Variants in GLS observed in about 807,000 individuals in gnomAD.
GLS encodes the protein glutaminase, also known as glutaminase kidney isoform, mitochondrial.
GLS carries 36 observed loss-of-function variants against 86.7 expected under a neutral mutation model. The observed-to-expected ratio is 0.42, with a 90% CI of 0.32 to 0.55. The LOEUF (loss-of-function observed/expected upper bound fraction) is 0.55. GLS is among the 20% of genes least tolerant of loss of function. The pLI is 0.17. For missense variants in GLS, 528 were observed against 833.4 expected, an observed-to-expected ratio of 0.63 and a Z score of 4.51; for synonymous variants, 317 against 305.9, an observed-to-expected ratio of 1.04 and a Z score of -0.38.
Position 190,881,308 on chromosome 2 carries a change from C to G in GLS, c.224C>G (p.Ser75Cys), listed in dbSNP as rs769927324. The G allele has an allele frequency of 1.3e-6, 2 of 1,503,776 alleles. No individual in the cohort carries two copies. The highest frequency in any genetic ancestry group is 1.2e-5 in the South Asian group (1 of 80,818). 93.2% of individuals were successfully genotyped at this position (1,503,776 alleles called of 1,614,324 possible). Residue 75 changes from serine (S) to cysteine (C), a missense_variant, in exon 1 of 18, where the codon TCT (serine) becomes TGT (cysteine). This residue lies in a region of GLS where 224 missense variants were observed against 187.9 expected (regional missense o/e 1.19). Coordinates refer to ENST00000320717, the MANE Select transcript of GLS (RefSeq NM_014905.5). ...AEPLARGLSS[S>C]PSEILQELGK... ...CCCCTCGCGCGGGGCCTGTCCAGCT[C>G]TCCTTCGGAGATCTTGCAGGAGCTG...
intron 9 of GLS, 59 bp from the exon 10 acceptor site, chr2:190,923,858 T>C: frequency 2.0e-6 from 2 of 1,019,988 alleles, no homozygotes; most frequent in Non-Finnish European, 3.1e-6. Flanking sequence ...AATGAAATTA[T>C]GAACAATCAC....
Position 190,904,353 on chromosome 2 carries a change from G to T in GLS, c.816-651G>T, listed in dbSNP as rs1179549859. Among the ~76,000 whole-genome samples, 7 of 152,260 alleles carry T rather than the reference G, an allele frequency of 4.6e-5. No individual in the cohort carries two copies. The East Asian group carries it at 1.3e-3, about 29-fold the overall frequency. On this transcript the variant is annotated intron_variant, in intron 5 of 17. Transcript: ENST00000320717. ...GTTTATTTTATGTGATTGAATACAC[G>T]TGGGAGTAAGGAGGAGCATGCTCTT... is the stretch of plus-strand genomic sequence containing the variant.
In GLS at chr2:190,905,535, G is replaced by A. The variant is rs528322512; in HGVS notation, c.979+368G>A. Among the ~76,000 whole-genome samples the A allele has an allele frequency of 2.0e-5, 3 of 152,120 alleles. No individual in the cohort carries two copies. Among genetic ancestry groups the A allele is most frequent in the African/African-American group, 2.4e-5 (1 of 41,522 alleles). ...CTAAATGATAGGTGCATGGGTGTTTGTATATTATTCTATCTATTATATTGT... is the reference window on the plus strand; with the variant it reads ...CTAAATGATAGGTGCATGGGTGTTTATATATTATTCTATCTATTATATTGT... On this transcript the variant is annotated intron_variant, in intron 6 of 17. Transcript: ENST00000320717. This position sits in a 1 kb window ranked among gnomAD's most constrained non-coding sequence, Gnocchi z 4.6.
In GLS at chr2:190,913,279, G is replaced by T. The variant is rs945105983; in HGVS notation, c.1038+2958G>T. 7.7e-7 allele frequency: 1 copy of T among 1,298,642 alleles called. No homozygotes were observed. Among genetic ancestry groups the T allele is most frequent in the Non-Finnish European group, 1.0e-6 (1 of 986,986 alleles). 80.4% of individuals were successfully genotyped at this position (1,298,642 alleles called of 1,614,324 possible). On this transcript the variant is annotated intron_variant, in intron 7 of 17. Transcript: ENST00000320717. The surrounding 1 kb of genome is among the most constrained non-coding windows in gnomAD (Gnocchi z 6.1). ...AGATTGTGGAAAAAAGGAGAATTTG[G>T]ACAGAAGGAGCCTGTTGCATAAATT...
rs1688123290 is a variant in GLS, at chr2:190,880,911, A to AGCACCC, written c.-171_-170insCCCGCA. The stretch of plus-strand genomic sequence containing the variant: ...CAGCAGCAGCAGCAGCAGCAGCAGC[A>AGCACCC]GCAGCAGCACCCGCATCCGCTGCGG... On this transcript the variant is annotated 5_prime_UTR_variant, in exon 1 of 18. Coordinates refer to ENST00000320717, the MANE Select transcript of GLS (RefSeq NM_014905.5). The AGCACCC allele has an allele frequency of 8.2e-6, 7 of 856,734 alleles. No individual in the cohort carries two copies. The highest frequency in any genetic ancestry group is 2.9e-5 in the South Asian group (2 of 69,282). The allele number at this position is 856,734 out of a possible 1,614,324, so 53.1% of individuals were successfully genotyped here.
chr2:190,922,985 A>G (rs1421572917), intron 9 of GLS, among the ~76,000 whole-genome samples: 2 of 152,142 alleles, frequency 1.3e-5, no homozygotes, highest in Non-Finnish European at 2.9e-5. Flanking sequence ...CAGGCTTTGT[A>G]TCAGTCTTTA....
Position 190,951,423 on chromosome 2 carries a change from T to C in GLS, c.1651-2142T>C, listed in dbSNP as rs181405284. On this transcript the variant is annotated intron_variant, in intron 14 of 17. Transcript: ENST00000320717. This position sits in a 1 kb window ranked among gnomAD's most constrained non-coding sequence, Gnocchi z 4.2. ...GTTGCTTTTTAAAAATAGGATGAAA[T>C]TGTGTCTGTTTTAAGGTAAACTGAG... is the stretch of plus-strand genomic sequence containing the variant. Among the ~76,000 whole-genome samples, 16 of 152,076 alleles carry C rather than the reference T, an allele frequency of 1.1e-4. No individual in the cohort carries two copies. Among genetic ancestry groups the C allele is most frequent in the Non-Finnish European group, 1.3e-4 (9 of 67,978 alleles).
intron 1 of GLS, among the ~76,000 whole-genome samples, chr2:190,889,882 A>G (rs1448111175): frequency 1.3e-5 from 2 of 152,222 alleles, no homozygotes; most frequent in African/African-American, 4.8e-5. Flanking sequence ...ATTGAATATA[A>G]TCTCATCTTT....
chr2:190,910,448 T>A (rs769413527), intron 7 of GLS, 127 bp downstream of exon 7: 1 of 578,610 alleles, frequency 1.7e-6, no homozygotes, highest in Non-Finnish European at 3.1e-6. Flanking sequence ...AAGAAATTTG[T>A]CTTATGGTAT....
At chr2:190,957,737 T>C (rs1351787554) in intron 17 of GLS, among the ~76,000 whole-genome samples, 1 of 152,222 alleles carries the variant, frequency 6.6e-6, no homozygotes, top group Admixed American at 6.5e-5. Context: ...TGAACCAGCC[T>C]TGCATCCCAG....
At chr2:190,917,380 G>C (rs1289283006) in intron 7 of GLS, among the ~76,000 whole-genome samples, 1 of 152,132 alleles carries the variant, frequency 6.6e-6, no homozygotes, top group Non-Finnish European at 1.5e-5. Context: ...TTTAATTCTA[G>C]TTCTCTTGAT....
chr2:190,908,452 CT>C (rs906729366), intron 6 of GLS, among the ~76,000 whole-genome samples: 3 of 152,084 alleles, frequency 2.0e-5, no homozygotes, highest in African/African-American at 7.2e-5. Context: ...TAAAATTGAT[CT>C]TTTTTTGCAT....
chr2:190,934,742 C>A, intron 14 of GLS: 1 of 973,256 alleles, frequency 1.0e-6, no homozygotes, highest in Non-Finnish European at 1.2e-6. Flanking sequence ...ATTTGTGTCA[C>A]TTACTATTTT....
chr2:190,960,044 C>T (rs910515124), intron 17 of GLS, among the ~76,000 whole-genome samples: 1 of 151,872 alleles, frequency 6.6e-6, no homozygotes, highest in Non-Finnish European at 1.5e-5. Flanking sequence ...CTCTCCTGGT[C>T]GACATAGCAA....
rs377700872 is a variant in GLS, at chr2:190,955,202, A to G, written c.1853+384A>G. ...ACATGCAGGTTTGTTACATGGGTAT[A>G]TAAGTGCCATGGTGGTTTGCTGCAC... On this transcript the variant is annotated intron_variant, in intron 17 of 17. Coordinates refer to ENST00000320717, the MANE Select transcript of GLS (RefSeq NM_014905.5). This position sits in a 1 kb window ranked among gnomAD's most constrained non-coding sequence, Gnocchi z 5.6. Among the ~76,000 whole-genome samples, 5 of 152,130 alleles carry G rather than the reference A, an allele frequency of 3.3e-5. No homozygotes were observed. In the South Asian group the frequency reaches 8.3e-4, roughly 25 times the overall value.
Position 190,897,230 on chromosome 2 carries a change from G to T in GLS, c.605+1505G>T, listed in dbSNP as rs1688773290. The stretch of plus-strand genomic sequence containing the variant: ...TAGTGAGACGGGGTTTCACCACGTT[G>T]TCCAGGCTGGTCTCGAACTCCTGAC... On this transcript the variant is annotated intron_variant, in intron 3 of 17. Coordinates refer to ENST00000320717, the MANE Select transcript of GLS (RefSeq NM_014905.5). This position sits in a 1 kb window ranked among gnomAD's most constrained non-coding sequence, Gnocchi z 4.3. Among the ~76,000 whole-genome samples the T allele has an allele frequency of 6.6e-6, 1 of 152,024 alleles. No individual in the cohort carries two copies. The highest frequency in any genetic ancestry group is 2.1e-4 in the South Asian group (1 of 4,808).
At chr2:190,891,453 G>A (rs1688557185) in intron 1 of GLS, among the ~76,000 whole-genome samples, 1 of 151,204 alleles carries the variant, frequency 6.6e-6, no homozygotes, top group Non-Finnish European at 1.5e-5. Flanking sequence ...GTTTTACACA[G>A]AAGGCATGAT....
Position 190,965,404 on chromosome 2 carries a change from G to C in GLS, c.*2418G>C, listed in dbSNP as rs1691097976. On this transcript the variant is annotated 3_prime_UTR_variant, in exon 18 of 18. Transcript: ENST00000320717. This position sits in a 1 kb window ranked among gnomAD's most constrained non-coding sequence, Gnocchi z 5.0. ...TTCTTCCTGGGGATTACACAGCTAT[G>C]AATGTATTTGCTTCTAAAACCTCCC... is the stretch of plus-strand genomic sequence containing the variant. 1.3e-5 allele frequency: 2 copies of C among 152,576 alleles called. No homozygotes were observed. Among genetic ancestry groups the C allele is most frequent in the African/African-American group, 4.8e-5 (2 of 41,434 alleles). 9.5% of individuals were successfully genotyped at this position (152,576 alleles called of 1,614,324 possible). A position where few individuals can be genotyped will look rare whatever the true frequency, so the allele number is the denominator to read the frequency against.
chr2:190,960,697 G>C (rs1690980646), intron 17 of GLS, among the ~76,000 whole-genome samples: 1 of 151,948 alleles, frequency 6.6e-6, no homozygotes, highest in Non-Finnish European at 1.5e-5. Flanking sequence ...TTAAAATTAG[G>C]GCTTGGGTTT....
Sources: gnomAD v4.1 joint callset for allele counts (sites outside exome capture counted in the v4.1 genomes callset) on GRCh38, gnomAD v4.1.1 for gene constraint, gnomAD v4.1.1 regional missense constraint, Gnocchi (gnomAD v3.1) non-coding constraint, MANE v1.5 for transcripts, NCBI Gene and HGNC (gene_info 2026-07-23, HGNC 2026-07-21) for gene names.